CLASP2: variants seen among roughly 807,000 people sequenced by gnomAD.
CLASP2 encodes CLIP-associating protein 2.
Under a neutral mutation model 194.4 loss-of-function variants are expected in CLASP2, and 47 were observed. That is an observed-to-expected ratio of 0.24 (90% CI 0.19 to 0.31). The LOEUF (loss-of-function observed/expected upper bound fraction) is 0.31. CLASP2 is among the 10% of genes least tolerant of loss of function. The probability of loss-of-function intolerance (pLI) is 1.00; values close to 1 mark genes in which losing one functional copy is unlikely to be tolerated. For missense variants in CLASP2, 1,445 were observed against 1,823.6 expected (o/e 0.79, Z 3.78); for synonymous variants, 619 against 633.5 (o/e 0.98, Z 0.34).
intron 27 of CLASP2, chr3:33,564,066 T>C (rs1206265167): frequency 2.6e-6 from 1 of 380,828 alleles, no homozygotes; most frequent in Non-Finnish European, 5.1e-6. Flanking sequence ...GGGCAAACTA[T>C]TTATGGTGCT....
At chr3:33,646,511 C>A (rs2082308402) in intron 7 of CLASP2, among the ~76,000 whole-genome samples, 1 of 151,952 alleles carries the variant, frequency 6.6e-6, no homozygotes, top group Non-Finnish European at 1.5e-5. Flanking sequence ...TTCTTTGCTA[C>A]TGTTATGTTA....
intron 1 of CLASP2, among the ~76,000 whole-genome samples, chr3:33,697,627 A>G (rs2092043703): frequency 6.6e-6 from 1 of 152,170 alleles, no homozygotes; most frequent in Non-Finnish European, 1.5e-5. Flanking sequence ...TCCTAAATGT[A>G]ACAGTTAAAA....
intron 1 of CLASP2, among the ~76,000 whole-genome samples, chr3:33,708,150 T>C (rs2154356094): frequency 6.6e-6 from 1 of 152,182 alleles, no homozygotes; most frequent in African/African-American, 2.4e-5. Flanking sequence ...ATACTGTGCA[T>C]TAGGTTTCCA....
At position 33,612,063 on chromosome 3, in the gene CLASP2, A is replaced by C; in HGVS notation, c.1326T>G (p.His442Gln). 6.2e-7 allele frequency: 1 copy of C among 1,605,958 alleles called. No homozygotes were observed. The highest frequency in any genetic ancestry group is 8.5e-7 in the Non-Finnish European group (1 of 1,174,090). ...TTATTAAAGGTATAAGTCTGGGTAC[A>C]TGAGTATGCTGAAAAAGATGTTTTA... ...AAIRFIIRHTHVPRLIPLITS... is the reference protein window; with the variant it reads ...AAIRFIIRHTQVPRLIPLITS... The change falls in exon 13 of 39, where the codon CAT (histidine) becomes CAG (glutamine). Residue 442 changes from histidine (H) to glutamine (Q), a missense_variant. Transcript: ENST00000682230.
At chr3:33,666,308 T>C (rs1252289616) in intron 6 of CLASP2, among the ~76,000 whole-genome samples, 5 of 152,198 alleles carry the variant, frequency 3.3e-5, no homozygotes, top group Admixed American at 2.6e-4. Flanking sequence ...TTAGAACATT[T>C]TCATCACCCC....
intron 30 of CLASP2, among the ~76,000 whole-genome samples, chr3:33,547,982 G>A (rs1480030359): frequency 6.6e-6 from 1 of 151,640 alleles, no homozygotes; most frequent in African/African-American, 2.4e-5. Context: ...GTTTCACCAT[G>A]TTACCCAGGC....
At chr3:33,581,709 T>G in intron 23 of CLASP2, 112 bp downstream of exon 23, 1 of 668,908 alleles carries the variant, frequency 1.5e-6, no homozygotes, top group Non-Finnish European at 2.6e-6. Flanking sequence ...AGAAAAGGGG[T>G]AGAGAGAAAG....
intron 7 of CLASP2, among the ~76,000 whole-genome samples, chr3:33,647,949 C>T (rs1268928424): frequency 6.6e-6 from 1 of 151,742 alleles, no homozygotes; most frequent in African/African-American, 2.4e-5. Context: ...AGGAGAATGG[C>T]GTGAACCTGG....
intron 7 of CLASP2, among the ~76,000 whole-genome samples, chr3:33,658,369 G>A (rs1030500511): frequency 6.6e-6 from 1 of 152,080 alleles, no homozygotes; most frequent in Non-Finnish European, 1.5e-5. Flanking sequence ...GAAATAATGT[G>A]TTTTTAAAAT....
At chr3:33,535,600 G>A (rs1187927737) in intron 33 of CLASP2, 139 bp from the exon 34 acceptor site, 3 of 647,860 alleles carry the variant, frequency 4.6e-6, no homozygotes, top group Admixed American at 3.1e-5. Flanking sequence ...TTTAAGTAAT[G>A]GCAATCAACA....
At chr3:33,566,438 G>A (rs2062752482) in intron 27 of CLASP2, among the ~76,000 whole-genome samples, 1 of 152,160 alleles carries the variant, frequency 6.6e-6, no homozygotes, top group Admixed American at 6.5e-5. Context: ...TGTTGGAAAA[G>A]AATTAAAATA....
intron 34 of CLASP2, among the ~76,000 whole-genome samples, chr3:33,527,853 T>C (rs979318330): frequency 6.6e-6 from 1 of 152,014 alleles, no homozygotes; most frequent in African/African-American, 2.4e-5. Flanking sequence ...ATCCCAGCTA[T>C]TCAGGAGGCT....
chr3:33,583,821 G>T (rs1460361569), intron 22 of CLASP2, among the ~76,000 whole-genome samples: 1 of 152,144 alleles, frequency 6.6e-6, no homozygotes, highest in African/African-American at 2.4e-5. Flanking sequence ...ATAATTAGGG[G>T]CTTTCTGCTC....
intron 6 of CLASP2, chr3:33,683,189 C>G (rs2090100016): frequency 6.6e-6 from 1 of 152,204 alleles, no homozygotes; most frequent in East Asian, 1.9e-4. Flanking sequence ...AGGATGATTA[C>G]TTGATAATGG....
At position 33,596,658 on chromosome 3, in the gene CLASP2, A is replaced by G. The variant is rs1391984363; in HGVS notation, c.1948+53T>C. The G allele has an allele frequency of 4.8e-6, 6 of 1,261,022 alleles. No homozygotes were observed. The African/African-American group carries it at 7.5e-5, about 16-fold the overall frequency. 78.1% of individuals were successfully genotyped at this position (1,261,022 alleles called of 1,614,324 possible). A position where few individuals can be genotyped will look rare whatever the true frequency, so the allele number is the denominator to read the frequency against. ...AGAAGAATGAACAAGGATATTATATAGAATCCAGGTTCCATAAAAATCTTT... is the reference window on the plus strand; with the variant it reads ...AGAAGAATGAACAAGGATATTATATGGAATCCAGGTTCCATAAAAATCTTT... On this transcript the variant is annotated intron_variant, in intron 19 of 38. Coordinates refer to ENST00000682230, the MANE Select transcript of CLASP2 (RefSeq NM_001365631.1).
chr3:33,506,511 T>TCCA (rs2048265542), intron 37 of CLASP2, among the ~76,000 whole-genome samples: 1 of 151,976 alleles, frequency 6.6e-6, no homozygotes, highest in Non-Finnish European at 1.5e-5. Context: ...TCTTGGTTAC[T>TCCA]ATAAGTTTTT....
Position 33,598,131 on chromosome 3 carries a change from G to A in CLASP2, c.1925-1397C>T, listed in dbSNP as rs534656541. 1.1e-4 allele frequency among the ~76,000 whole-genome samples: 16 copies of A among 150,912 alleles called. No individual in the cohort carries two copies. The East Asian group carries it at 1.6e-3, about 15-fold the overall frequency. On this transcript the variant is annotated intron_variant, in intron 18 of 38. Transcript: ENST00000682230. Reference sequence around the variant, plus strand: ...TGGGAGACAAACTTTGAAAGCCTGCGTCTAGACTCCTTCAGACTATCTCAC... The same window carrying A: ...TGGGAGACAAACTTTGAAAGCCTGCATCTAGACTCCTTCAGACTATCTCAC...
intron 37 of CLASP2, chr3:33,504,368 G>A (rs916659024): frequency 1.3e-5 from 2 of 152,070 alleles, no homozygotes; most frequent in Admixed American, 1.3e-4. Flanking sequence ...TTTTGTTTAC[G>A]GTATGTGGTC....
chr3:33,607,968 A>C (rs1388617725), intron 14 of CLASP2, among the ~76,000 whole-genome samples: 1 of 152,250 alleles, frequency 6.6e-6, no homozygotes, highest in East Asian at 1.9e-4. Flanking sequence ...AAGAATTTCC[A>C]TGAAAATGAA....
Sources: gnomAD v4.1 joint callset for allele counts (sites outside exome capture counted in the v4.1 genomes callset) on GRCh38, gnomAD v4.1.1 for gene constraint, MANE v1.5 for transcripts, NCBI Gene and HGNC (gene_info 2026-07-23, HGNC 2026-07-21) for gene names.